The following ZFHX3 variants were observed in gnomAD, a reference collection of about 807,000 sequenced individuals.
ZFHX3 encodes zinc finger homeobox 3, also known as zinc finger homeobox protein 3.
A neutral mutation model predicts 279.1 loss-of-function variants in ZFHX3; 42 were observed. That is an observed-to-expected ratio of 0.15 (90% CI 0.12 to 0.19). The LOEUF is 0.19. Ranked by LOEUF, ZFHX3 falls within the 10% of genes least tolerant of loss-of-function variation. The pLI is 1.00. For synonymous variants in ZFHX3, 2,293 were observed against 1,957.8 expected, an observed-to-expected ratio of 1.17 and a Z score of -4.52; for missense variants, 4,981 against 4,754.0, an observed-to-expected ratio of 1.05 and a Z score of -1.40.
intron 2 of ZFHX3, among the ~76,000 whole-genome samples, chr16:73,562,854 A>T (rs1027471110): frequency 1.1e-4 from 16 of 152,196 alleles, no homozygotes; most frequent in African/African-American, 3.4e-4. Flanking sequence ...GCTATCAAGA[A>T]TCTTAAGGAA....
chr16:73,610,747 C>A (rs1479317469), intron 2 of ZFHX3, among the ~76,000 whole-genome samples: 1 of 152,210 alleles, frequency 6.6e-6, no homozygotes, highest in Non-Finnish European at 1.5e-5. Context: ...GGGATTGTTA[C>A]ATATCTTAGC....
At chr16:72,808,779 C>G (rs2143565761) in intron 7 of ZFHX3, among the ~76,000 whole-genome samples, 1 of 152,342 alleles carries the variant, frequency 6.6e-6, no homozygotes, top group South Asian at 2.1e-4. Flanking sequence ...TTTGTATTGA[C>G]CAGTCCCATG....
intron 2 of ZFHX3, among the ~76,000 whole-genome samples, chr16:73,573,763 T>G (rs1213292020): frequency 6.6e-6 from 1 of 152,232 alleles, no homozygotes; most frequent in Non-Finnish European, 1.5e-5. Flanking sequence ...TTGTTTCTGT[T>G]TCTGTTATGC....
chr16:73,345,685 G>A (rs2016111065), intron 3 of ZFHX3, among the ~76,000 whole-genome samples: 1 of 152,124 alleles, frequency 6.6e-6, no homozygotes, highest in Admixed American at 6.5e-5. Flanking sequence ...ATTGTGAGTA[G>A]TGCTGCAATG....
At chr16:73,748,144 G>A (rs144084360) in intron 1 of ZFHX3, among the ~76,000 whole-genome samples, 1 of 151,886 alleles carries the variant, frequency 6.6e-6, no homozygotes, top group Non-Finnish European at 1.5e-5. Context: ...AAATTTCACG[G>A]GGATTTTTCA....
chr16:73,701,968 T>C (rs1247522389), intron 1 of ZFHX3, among the ~76,000 whole-genome samples: 1 of 152,038 alleles, frequency 6.6e-6, no homozygotes, highest in African/African-American at 2.4e-5. Flanking sequence ...GGGTTTTTAA[T>C]GAAAAAATAT....
intron 5 of ZFHX3, among the ~76,000 whole-genome samples, chr16:73,187,989 G>A (rs1315410930): frequency 1.3e-5 from 2 of 151,972 alleles, no homozygotes; most frequent in Non-Finnish European, 2.9e-5. Context: ...TTCCCAAGTA[G>A]TAGCTGGGAC....
chr16:72,954,731 T>C (rs1259974986), intron 2 of ZFHX3, among the ~76,000 whole-genome samples: 2 of 152,174 alleles, frequency 1.3e-5, no homozygotes, highest in Non-Finnish European at 2.9e-5. Flanking sequence ...TCAAATCTAA[T>C]GTGCTGTCTA....
intron 2 of ZFHX3, among the ~76,000 whole-genome samples, chr16:73,671,542 T>G (rs988076442): frequency 6.6e-6 from 1 of 152,208 alleles, no homozygotes; most frequent in African/African-American, 2.4e-5. Context: ...GAAAAGGAAA[T>G]AGTGATATTA....
chr16:73,648,888 C>T (rs1308877152), intron 2 of ZFHX3, among the ~76,000 whole-genome samples: 1 of 152,144 alleles, frequency 6.6e-6, no homozygotes. Context: ...ATAACTTTGC[C>T]CTTCAACATG....
intron 3 of ZFHX3, among the ~76,000 whole-genome samples, chr16:73,358,612 A>G (rs1307830296): frequency 6.6e-6 from 1 of 152,222 alleles, no homozygotes; most frequent in Non-Finnish European, 1.5e-5. Flanking sequence ...TCAAGCCACT[A>G]GGTCTTAGGG....
At chr16:73,321,455 G>C (rs551615645) in intron 3 of ZFHX3, among the ~76,000 whole-genome samples, 9 of 152,176 alleles carry the variant, frequency 5.9e-5, no homozygotes, top group Non-Finnish European at 1.3e-4. Flanking sequence ...TCAGTCCAGG[G>C]CATGTACATT....
At chr16:73,457,541 C>T (rs926116042) in intron 2 of ZFHX3, among the ~76,000 whole-genome samples, 1 of 152,080 alleles carries the variant, frequency 6.6e-6, no homozygotes, top group Non-Finnish European at 1.5e-5. Context: ...GGGAGGCCGA[C>T]GTGGGTGGAT....
At chr16:73,461,067 G>T (rs2018463106) in intron 2 of ZFHX3, among the ~76,000 whole-genome samples, 1 of 152,140 alleles carries the variant, frequency 6.6e-6, no homozygotes, top group Non-Finnish European at 1.5e-5. Flanking sequence ...CCAGAATTTG[G>T]CATTGTCACT....
At chr16:73,785,597 G>A (rs958255028) in intron 1 of ZFHX3, among the ~76,000 whole-genome samples, 1 of 151,892 alleles carries the variant, frequency 6.6e-6, no homozygotes, top group African/African-American at 2.4e-5. Context: ...CTTTTTTTAG[G>A]TTTCCATCTT....
At chr16:73,082,534 G>C (rs1965960675) in intron 8 of ZFHX3, among the ~76,000 whole-genome samples, 1 of 152,174 alleles carries the variant, frequency 6.6e-6, no homozygotes, top group African/African-American at 2.4e-5. Flanking sequence ...CTCCCAGAGT[G>C]CTGGGATTAC....
At chr16:72,811,442 A>C in intron 7 of ZFHX3, 135 bp downstream of exon 7, 1 of 986,640 alleles carries the variant, frequency 1.0e-6, no homozygotes. Flanking sequence ...CAAAGGTCAC[A>C]GAACAAGGAC....
chr16:72,862,016 A>G (rs1042877610), intron 4 of ZFHX3, among the ~76,000 whole-genome samples: 1 of 152,146 alleles, frequency 6.6e-6, no homozygotes, highest in Non-Finnish European at 1.5e-5. Flanking sequence ...CTCCATCTCA[A>G]AATAAAAAGA....
upstream of ZFHX3, among the ~76,000 whole-genome samples, chr16:73,063,406 C>T (rs533322633): frequency 1.3e-5 from 2 of 152,200 alleles, no homozygotes; most frequent in Admixed American, 1.3e-4. Context: ...TCGCCCCGGT[C>T]CACTCCCTGA....
Sources: allele counts gnomAD v4.1 joint callset (sites outside exome capture counted in the v4.1 genomes callset), GRCh38; gene constraint gnomAD v4.1.1; transcripts MANE v1.5; gene names NCBI Gene and HGNC (gene_info 2026-07-23, HGNC 2026-07-21).